FADS2: variants seen among roughly 807,000 people sequenced by gnomAD.
FADS2 encodes the protein acyl-CoA 6-desaturase.
Under a neutral mutation model 61.2 loss-of-function variants are expected in FADS2, and 18 were observed. The ratio of observed to expected loss-of-function variants is 0.29; its 90% CI spans 0.20 to 0.44. FADS2 has a LOEUF of 0.44. Among genes scored for constraint, FADS2 ranks in the 20% least tolerant of loss-of-function variants. FADS2 has a pLI of 1.00. For missense variants in FADS2, 322 were observed against 572.7 expected, an observed-to-expected ratio of 0.56 and a Z score of 4.47; for synonymous variants, 203 against 223.9, an observed-to-expected ratio of 0.91 and a Z score of 0.83.
intron 4 of FADS2, among the ~76,000 whole-genome samples, chr11:61,842,603 G>A (rs1048803741): frequency 4.6e-5 from 7 of 152,184 alleles, no homozygotes; most frequent in African/African-American, 1.4e-4. Context: ...CATGTAGAAC[G>A]TGGATGACAG....
intron 1 of FADS2, among the ~76,000 whole-genome samples, chr11:61,822,324 C>G (rs1283912649): frequency 6.6e-6 from 1 of 152,160 alleles, no homozygotes; most frequent in African/African-American, 2.4e-5. Flanking sequence ...TATATTAAAC[C>G]CACTGTTTTA....
chr11:61,825,904 A>G (rs765151865), upstream of FADS2: 1 of 592,690 alleles, frequency 1.7e-6, no homozygotes. Context: ...AAAAAAAATT[A>G]GAGGGCAGGG....
At chr11:61,824,001 T>C (rs2067050697), upstream of FADS2, among the ~76,000 whole-genome samples, 1 of 152,218 alleles carries the variant, frequency 6.6e-6, no homozygotes, top group African/African-American at 2.4e-5. Flanking sequence ...CTCACCAATA[T>C]TGCTAGTTAA....
At chr11:61,827,187 C>T (rs2067092494), upstream of FADS2, among the ~76,000 whole-genome samples, 1 of 152,202 alleles carries the variant, frequency 6.6e-6, no homozygotes, top group African/African-American at 2.4e-5. This position sits in a 1 kb window ranked among gnomAD's most constrained non-coding sequence, Gnocchi z 4.5. Context: ...AGGGGCCTGT[C>T]TCTTGCCCCA....
chr11:61,843,815 T>C (rs1295921916), intron 4 of FADS2, among the ~76,000 whole-genome samples: 1 of 152,080 alleles, frequency 6.6e-6, no homozygotes, highest in African/African-American at 2.4e-5. Flanking sequence ...TGCGCCACTA[T>C]GCCCAGCTAA....
At chr11:61,818,418 T>G (rs761115431) in intron 1 of FADS2, among the ~76,000 whole-genome samples, 1 of 152,202 alleles carries the variant, frequency 6.6e-6, no homozygotes, top group African/African-American at 2.4e-5. Flanking sequence ...AACTTGGCAG[T>G]GTCTAATGCG....
At chr11:61,849,681 G>C (rs1318056591) in intron 5 of FADS2, 1 of 152,112 alleles carries the variant, frequency 6.6e-6, no homozygotes, top group Non-Finnish European at 1.5e-5. Context: ...ATGCTATACA[G>C]TCTTCTAGAT....
chr11:61,832,682 T>G (rs972525198), intron 1 of FADS2, among the ~76,000 whole-genome samples: 1 of 152,210 alleles, frequency 6.6e-6, no homozygotes, highest in Non-Finnish European at 1.5e-5. Context: ...CTTCCTGCCC[T>G]GCCTGCCTCT....
chr11:61,846,146 T>G (rs2067257446), intron 4 of FADS2, among the ~76,000 whole-genome samples: 1 of 150,976 alleles, frequency 6.6e-6, no homozygotes, highest in Non-Finnish European at 1.5e-5. Flanking sequence ...TTTTTTTTTT[T>G]TTTGAGACAG....
In FADS2 at chr11:61,816,933, C is replaced by T. The variant is rs2066991396; in HGVS notation, c.141+507C>T. The stretch of plus-strand genomic sequence containing the variant: ...GCCTCGCAGCGCGCGTTCCCATTGG[C>T]CGAGCCTCGTGGCGCGGGGAGCGAG... On this transcript the variant is annotated intron_variant, in intron 1 of 11. Transcript: ENST00000257261. This position sits in a 1 kb window ranked among gnomAD's most constrained non-coding sequence, Gnocchi z 7.0. The T allele has an allele frequency of 2.2e-6, 3 of 1,384,116 alleles. No individual in the cohort carries two copies. The highest frequency in any genetic ancestry group is 2.8e-6 in the Non-Finnish European group (3 of 1,078,046). 85.7% of individuals were successfully genotyped at this position (1,384,116 alleles called of 1,614,324 possible). A position where few individuals can be genotyped will look rare whatever the true frequency, so the allele number is the denominator to read the frequency against.
intron 4 of FADS2, 134 bp downstream of exon 4, chr11:61,840,859 A>G: frequency 1.4e-6 from 1 of 696,408 alleles, no homozygotes; most frequent in Non-Finnish European, 2.5e-6. Context: ...GGCCATGGTG[A>G]CTCTCCATTC....
intron 6 of FADS2, 88 bp from the exon 7 acceptor site, chr11:61,857,366 G>T: frequency 8.2e-7 from 1 of 1,222,166 alleles, no homozygotes; most frequent in Non-Finnish European, 1.2e-6. Context: ...GCTGGCCCCT[G>T]CACTCAGTGC....
chr11:61,844,912 A>G (rs1311202418), intron 4 of FADS2, among the ~76,000 whole-genome samples: 1 of 151,042 alleles, frequency 6.6e-6, no homozygotes, highest in African/African-American at 2.4e-5. Context: ...GCGACAGAGG[A>G]AGACTCCGTC....
At chr11:61,851,797 G>A (rs2067309266) in intron 5 of FADS2, among the ~76,000 whole-genome samples, 1 of 152,246 alleles carries the variant, frequency 6.6e-6, no homozygotes, top group Non-Finnish European at 1.5e-5. Context: ...AATAGCGCGG[G>A]CTCCGCAGTA....
At chr11:61,859,850 G>A (rs2067397883) in intron 7 of FADS2, among the ~76,000 whole-genome samples, 1 of 152,216 alleles carries the variant, frequency 6.6e-6, no homozygotes, top group Non-Finnish European at 1.5e-5. Context: ...GCCTGGCATG[G>A]TGGTGTGCAC....
intron 5 of FADS2, among the ~76,000 whole-genome samples, chr11:61,850,596 AT>A (rs1382506300): frequency 1.3e-5 from 2 of 151,766 alleles, no homozygotes; most frequent in Non-Finnish European, 2.9e-5. Flanking sequence ...CCACAAAAAA[AT>A]GTTCTTATTT....
chr11:61,817,142 G>A (rs917608389), intron 1 of FADS2: 4 of 398,616 alleles, frequency 1.0e-5, no homozygotes, highest in African/African-American at 4.3e-5. Context: ...TGGGTGCGGG[G>A]CCGCGCTGCA....
intron 5 of FADS2, chr11:61,856,031 T>A (rs552100119): frequency 6.6e-6 from 1 of 152,364 alleles, no homozygotes. Flanking sequence ...GTCTCAGCAC[T>A]GGTGAGAGGC....
intron 5 of FADS2, among the ~76,000 whole-genome samples, chr11:61,853,290 C>CCCTTCCTCCCTT (rs1565334572): frequency 0.047 from 3,798 of 81,624 alleles, 196 homozygotes; most frequent in African/African-American, 0.11. Flanking sequence ...CTCCCTCCCT[C>CCCTTCCTCCCTT]CCTTCCTTCC....
Sources: gnomAD v4.1 joint callset for allele counts (sites outside exome capture counted in the v4.1 genomes callset) on GRCh38, gnomAD v4.1.1 for gene constraint, Gnocchi (gnomAD v3.1) non-coding constraint, MANE v1.5 for transcripts, NCBI Gene and HGNC (gene_info 2026-07-23, HGNC 2026-07-21) for gene names.